Variants in RBM47 observed in about 807,000 individuals in gnomAD.
The protein encoded by RBM47 is RNA-binding protein 47.
In RBM47, 21 loss-of-function variants were observed where a neutral mutation model predicts 47.1. That is an observed-to-expected ratio of 0.45 (90% CI 0.32 to 0.64). RBM47 has a LOEUF of 0.64. Ranked by LOEUF, RBM47 falls within the 30% of genes least tolerant of loss-of-function variation. The probability of loss-of-function intolerance (pLI) is 0.05; values close to 1 mark genes in which losing one functional copy is unlikely to be tolerated. For missense variants in RBM47, 708 were observed against 870.9 expected, an observed-to-expected ratio of 0.81 and a Z score of 2.35; for synonymous variants, 375 against 361.7, an observed-to-expected ratio of 1.04 and a Z score of -0.42.
At chr4:40,521,928 C>T (rs924241016) in intron 2 of RBM47, among the ~76,000 whole-genome samples, 1 of 152,180 alleles carries the variant, frequency 6.6e-6, no homozygotes, top group South Asian at 2.1e-4. Context: ...TTTATCACCA[C>T]AAGCTTGACT....
intron 2 of RBM47, among the ~76,000 whole-genome samples, chr4:40,528,464 C>T (rs1379724169): frequency 2.0e-5 from 3 of 151,790 alleles, no homozygotes; most frequent in Non-Finnish European, 4.4e-5. Flanking sequence ...GGCACACACA[C>T]TAAGCAAATA....
At chr4:40,626,441 C>T (rs772672358) in intron 1 of RBM47, among the ~76,000 whole-genome samples, 6 of 152,206 alleles carry the variant, frequency 3.9e-5, no homozygotes, top group Non-Finnish European at 7.3e-5. Flanking sequence ...GCCTCCACTT[C>T]CCACAGTTGC....
At chr4:40,431,146 G>A (rs1715927903) in intron 6 of RBM47, among the ~76,000 whole-genome samples, 1 of 152,148 alleles carries the variant, frequency 6.6e-6, no homozygotes, top group African/African-American at 2.4e-5. Flanking sequence ...TCCTGGGCCT[G>A]AGTACTTGTG....
At chr4:40,533,344 G>A (rs1174522808) in intron 2 of RBM47, among the ~76,000 whole-genome samples, 1 of 151,560 alleles carries the variant, frequency 6.6e-6, no homozygotes. Flanking sequence ...TGAGGCAGGA[G>A]AGTCACTTGA....
At chr4:40,497,977 C>G (rs867760637) in intron 2 of RBM47, among the ~76,000 whole-genome samples, 3 of 148,510 alleles carry the variant, frequency 2.0e-5, no homozygotes, top group Non-Finnish European at 4.5e-5. Flanking sequence ...GATGACAGAG[C>G]AAGACTCTAT....
chr4:40,586,849 A>G (rs2128119), intron 1 of RBM47, among the ~76,000 whole-genome samples: 14,673 of 151,972 alleles, frequency 0.097, 1,803 homozygotes, highest in African/African-American at 0.29. Flanking sequence ...TCAATCCAAG[A>G]CAGTGGCACG....
chr4:40,557,610 A>G (rs757205464), intron 1 of RBM47, among the ~76,000 whole-genome samples: 10 of 152,152 alleles, frequency 6.6e-5, no homozygotes, highest in Non-Finnish European at 1.3e-4. Context: ...TTAGCTGGGC[A>G]TGGTGGTGGG....
At chr4:40,446,981 C>G (rs1046202020) in intron 3 of RBM47, among the ~76,000 whole-genome samples, 3 of 152,080 alleles carry the variant, frequency 2.0e-5, no homozygotes, top group Non-Finnish European at 4.4e-5. Context: ...GTGTGATTCT[C>G]CACTGGTGAT....
At chr4:40,538,800 A>T (rs1728227242) in intron 2 of RBM47, among the ~76,000 whole-genome samples, 1 of 151,130 alleles carries the variant, frequency 6.6e-6, no homozygotes, top group South Asian at 2.1e-4. Context: ...CACCCAGCTA[A>T]TTTTTTTGTA....
intron 2 of RBM47, among the ~76,000 whole-genome samples, chr4:40,498,901 C>T (rs1288784268): frequency 1.3e-5 from 2 of 151,840 alleles, no homozygotes; most frequent in African/African-American, 2.4e-5. Flanking sequence ...CAAAATTAGC[C>T]GGGCACGGTG....
In RBM47 at chr4:40,490,364, T is replaced by C. The variant is rs150628501; in HGVS notation, c.-154-23665A>G. 2.5e-3 allele frequency among the ~76,000 whole-genome samples: 383 copies of C among 152,280 alleles called. 4 individuals carry two copies. Among genetic ancestry groups the C allele is most frequent in the South Asian group, 6.8e-3 (33 of 4,826 alleles). On this transcript the variant is annotated intron_variant, in intron 2 of 6. Transcript: ENST00000295971. ...AATAAAACTCTGTTCATAGATGACG[T>C]AGTCAATTACATGTAAAAAACCTAA...
intron 1 of RBM47, among the ~76,000 whole-genome samples, chr4:40,627,546 G>A (rs1391898637): frequency 6.6e-6 from 1 of 152,212 alleles, no homozygotes; most frequent in African/African-American, 2.4e-5. Flanking sequence ...TTTGGGACAT[G>A]ATTTAATCTT....
intron 1 of RBM47, among the ~76,000 whole-genome samples, chr4:40,560,425 T>C (rs1342967394): frequency 8.7e-5 from 12 of 138,036 alleles, no homozygotes; most frequent in Admixed American, 8.6e-4. Context: ...CAAAGCAACC[T>C]TGCCAGGTGC....
At chr4:40,495,191 T>C (rs1722407119) in intron 2 of RBM47, among the ~76,000 whole-genome samples, 1 of 152,178 alleles carries the variant, frequency 6.6e-6, no homozygotes, top group Admixed American at 6.5e-5. Flanking sequence ...TCTTCCTTGG[T>C]ATATATTACT....
chr4:40,454,822 T>C (rs944389116), intron 3 of RBM47, among the ~76,000 whole-genome samples: 3 of 152,174 alleles, frequency 2.0e-5, no homozygotes, highest in African/African-American at 7.2e-5. Context: ...GATCAGGAGA[T>C]TGAGGGTATC....
intron 2 of RBM47, among the ~76,000 whole-genome samples, chr4:40,505,639 G>T (rs1388865563): frequency 6.6e-6 from 1 of 151,848 alleles, no homozygotes; most frequent in East Asian, 1.9e-4. Context: ...TGTAATCCCA[G>T]CACTTTGGGA....
intron 5 of RBM47, among the ~76,000 whole-genome samples, chr4:40,433,850 T>A (rs1366562853): frequency 6.6e-6 from 1 of 152,156 alleles, no homozygotes; most frequent in Non-Finnish European, 1.5e-5. Context: ...TAGTGGGACC[T>A]CCCAATTCAA....
intron 2 of RBM47, among the ~76,000 whole-genome samples, chr4:40,504,155 C>T (rs756514495): frequency 6.6e-6 from 1 of 152,106 alleles, no homozygotes; most frequent in African/African-American, 2.4e-5. Flanking sequence ...CTGAGTTAAG[C>T]ATCTTTAAGG....
At chr4:40,579,712 C>G (rs1293475219) in intron 1 of RBM47, among the ~76,000 whole-genome samples, 1 of 150,732 alleles carries the variant, frequency 6.6e-6, no homozygotes, top group Non-Finnish European at 1.5e-5. Flanking sequence ...TGGGTCTTTG[C>G]TGGAGTTATT....
Sources: gnomAD v4.1 joint callset for allele counts (sites outside exome capture counted in the v4.1 genomes callset) on GRCh38, gnomAD v4.1.1 for gene constraint, MANE v1.5 for transcripts, NCBI Gene and HGNC (gene_info 2026-07-23, HGNC 2026-07-21) for gene names.